The following USH2A variants were observed in gnomAD, a reference collection of about 807,000 sequenced individuals.
The protein encoded by USH2A is Usher syndrome 2A (autosomal recessive, mild).
USH2A carries 443 observed loss-of-function variants against 538.9 expected under a neutral mutation model. That is an observed-to-expected ratio of 0.82 (90% CI 0.76 to 0.89). USH2A has a LOEUF of 0.89. USH2A is among the 40% of genes least tolerant of loss of function. The probability of loss-of-function intolerance (pLI) is 0.00; values close to 1 mark genes in which losing one functional copy is unlikely to be tolerated. For synonymous variants in USH2A, 2,413 were observed against 2,273.5 expected, an observed-to-expected ratio of 1.06 and a Z score of -1.75; for missense variants, 6,633 against 6,324.8, an observed-to-expected ratio of 1.05 and a Z score of -1.65.
intron 11 of USH2A, among the ~76,000 whole-genome samples, chr1:216,287,483 C>T (rs1005299169): frequency 8.5e-5 from 13 of 152,054 alleles, no homozygotes; most frequent in Admixed American, 4.6e-4. Context: ...CTTCTGAAAT[C>T]CATGTTCAGT....
At chr1:215,638,962 A>G (rs1270340100) in intron 69 of USH2A, among the ~76,000 whole-genome samples, 193 bp downstream of exon 69, 2 of 151,518 alleles carry the variant, frequency 1.3e-5, no homozygotes, top group Non-Finnish European at 2.9e-5. Flanking sequence ...TGAGTGACAG[A>G]GCAAGACTCC....
chr1:216,419,951 T>G (rs1015101391), intron 2 of USH2A, among the ~76,000 whole-genome samples: 1 of 152,132 alleles, frequency 6.6e-6, no homozygotes, highest in Admixed American at 6.6e-5. Flanking sequence ...ATATTTTGTA[T>G]GTATATTTGG....
chr1:216,250,897 A>C lies in USH2A; in HGVS notation c.2167+6T>G. ...ATGTGACTGTAAACTTTTGCGTTAC[A>C]CGTACCAATAACGTTTGCTTTGCAC... is the stretch of plus-strand genomic sequence containing the variant. On this transcript the variant is annotated splice_donor_region_variant and intron_variant, in intron 12 of 71. Coordinates refer to ENST00000307340, the MANE Select transcript of USH2A (RefSeq NM_206933.4). The C allele has an allele frequency of 2.5e-6, 4 of 1,613,838 alleles. No individual in the cohort carries two copies. The highest frequency in any genetic ancestry group is 3.4e-6 in the Non-Finnish European group (4 of 1,179,894).
chr1:216,348,263 G>T (rs1325428361), intron 4 of USH2A, among the ~76,000 whole-genome samples: 1 of 152,088 alleles, frequency 6.6e-6, no homozygotes, highest in Non-Finnish European at 1.5e-5. Flanking sequence ...GGAAAAATTT[G>T]TTATTTTACC....
chr1:216,159,789 G>T (rs1572009920), intron 21 of USH2A, among the ~76,000 whole-genome samples: 1 of 151,718 alleles, frequency 6.6e-6, no homozygotes, highest in East Asian at 1.9e-4. Flanking sequence ...ACCTTCCCTG[G>T]GGTTTTCTTT....
chr1:216,168,695 A>T (rs572400440), intron 21 of USH2A, among the ~76,000 whole-genome samples: 1 of 152,248 alleles, frequency 6.6e-6, no homozygotes, highest in Non-Finnish European at 1.5e-5. Flanking sequence ...GAACCTCCCC[A>T]AATTGCTCCT....
chr1:216,300,289 C>T (rs953486029), intron 9 of USH2A, among the ~76,000 whole-genome samples: 4 of 152,140 alleles, frequency 2.6e-5, no homozygotes, highest in Non-Finnish European at 5.9e-5. Flanking sequence ...TTCATGTTTT[C>T]CCAATCTCCA....
rs1393969494 is a variant in USH2A, at chr1:216,050,586, TTCTTTCTTTCTTTCTTTC to T, written c.6050-1957_6050-1940del. Among the ~76,000 whole-genome samples the T allele has an allele frequency of 5.9e-3, 438 of 74,390 alleles. 13 individuals are homozygous for T. Among genetic ancestry groups the T allele is most frequent in the African/African-American group, 0.026 (422 of 16,216 alleles). The allele number at this position is 74,390 out of a possible 152,430, so 48.8% of individuals were successfully genotyped here. The stretch of plus-strand genomic sequence containing the variant: ...TTTCTTTCTTTCTTTCTTTCTTTCT[TTCTTTCTTTCTTTCTTTC>T]TTTTTTTTTTTTTTTTTTGAGACAG... On this transcript the variant is annotated intron_variant, in intron 30 of 71. Coordinates refer to ENST00000307340, the MANE Select transcript of USH2A (RefSeq NM_206933.4).
At chr1:216,239,175 G>A (rs2035886340) in intron 13 of USH2A, among the ~76,000 whole-genome samples, 1 of 151,720 alleles carries the variant, frequency 6.6e-6, no homozygotes, top group Non-Finnish European at 1.5e-5. Flanking sequence ...ATAAAAAAAT[G>A]TCCACCCCAA....
intron 47 of USH2A, among the ~76,000 whole-genome samples, chr1:215,824,696 G>T (rs1340643118): frequency 1.3e-5 from 2 of 152,120 alleles, no homozygotes; most frequent in Non-Finnish European, 2.9e-5. Flanking sequence ...AGAGCCCTTC[G>T]GGCACTCCTG....
At chr1:215,942,818 T>C (rs1213533485) in intron 37 of USH2A, among the ~76,000 whole-genome samples, 1 of 151,802 alleles carries the variant, frequency 6.6e-6, no homozygotes, top group African/African-American at 2.4e-5. Context: ...ATGAACTGAG[T>C]AGAGTCTGCA....
chr1:215,736,472 ATAAACTAGT>A (rs559831419), intron 60 of USH2A, among the ~76,000 whole-genome samples: 85 of 152,272 alleles, frequency 5.6e-4, no homozygotes, highest in African/African-American at 2.0e-3. Flanking sequence ...AATAATGTTG[ATAAACTAGT>A]TAGCATTTTT....
Position 215,634,626 on chromosome 1 carries a change from T to C in USH2A, c.15130A>G (p.Ile5044Val), listed in dbSNP as rs761307028. 6.2e-7 allele frequency: 1 copy of C among 1,614,230 alleles called. No individual in the cohort carries two copies. The highest frequency in any genetic ancestry group is 1.1e-5 in the South Asian group (1 of 91,088). ...STEFYSELWF[I>V]VLMAMLGLIL... ...AAGCCCAGCATCGCCATTAACACTATGAACCACAGCTCGCTGTAGAACTCT... is the reference window on the plus strand; with the variant it reads ...AAGCCCAGCATCGCCATTAACACTACGAACCACAGCTCGCTGTAGAACTCT... The change falls in exon 70 of 72, where the codon ATA (isoleucine) becomes GTA (valine). Residue 5044 changes from isoleucine (I) to valine (V), a missense_variant. Transcript: ENST00000307340.
rs1340270759 is a variant in USH2A at position 215,671,222 on chromosome 1, G to A, written c.13883C>T (p.Pro4628Leu). 1.9e-6 allele frequency: 3 copies of A among 1,614,164 alleles called. No individual in the cohort carries two copies. The highest frequency in any genetic ancestry group is 2.5e-6 in the Non-Finnish European group (3 of 1,180,016). The change falls in exon 64 of 72, where the codon CCT (proline) becomes CTT (leucine). Residue 4628 changes from proline (P) to leucine (L), a missense_variant. By Grantham distance (98) the Pro-to-Leu change is moderately conservative. Transcript: ENST00000307340. ...ASSDWTFIQT[P>L]EIAPLMQPPP... Reference sequence around the variant, plus strand: ...GGGTTGCATCAAAGGTGCAATCTCAGGGGTCTGTATGAATGTCCAGTCACT... The same window carrying A: ...GGGTTGCATCAAAGGTGCAATCTCAAGGGTCTGTATGAATGTCCAGTCACT...
intron 3 of USH2A, among the ~76,000 whole-genome samples, chr1:216,393,689 C>G (rs905524815): frequency 2.6e-5 from 4 of 152,136 alleles, no homozygotes; most frequent in Non-Finnish European, 5.9e-5. Flanking sequence ...CAGTCACGTT[C>G]AGCCTATCTC....
chr1:216,121,780 G>A (rs1301851024), intron 21 of USH2A, among the ~76,000 whole-genome samples: 1 of 152,118 alleles, frequency 6.6e-6, no homozygotes. Context: ...ACTATTTGAG[G>A]AATAAGAAAC....
At chr1:215,911,442 T>C (rs1336803427) in intron 38 of USH2A, among the ~76,000 whole-genome samples, 2 of 151,236 alleles carry the variant, frequency 1.3e-5, no homozygotes, top group Non-Finnish European at 2.9e-5. Flanking sequence ...CACAGATAAA[T>C]GAGAACATGC....
At chr1:216,170,537 C>T (rs1045136738) in intron 21 of USH2A, among the ~76,000 whole-genome samples, 1 of 152,036 alleles carries the variant, frequency 6.6e-6, no homozygotes, top group African/African-American at 2.4e-5. Flanking sequence ...AAAGGCAGTT[C>T]CTGATTTCTG....
Position 216,217,414 on chromosome 1 carries a change from C to T in USH2A, c.3130G>A (p.Val1044Ile). 1 of 1,613,156 alleles carries T rather than the reference C, an allele frequency of 6.2e-7. No individual in the cohort carries two copies. The highest frequency in any genetic ancestry group is 8.5e-7 in the Non-Finnish European group (1 of 1,179,374). The change falls in exon 15 of 72, where the codon GTC becomes ATC. Residue 1044 changes from valine to isoleucine, a missense_variant. Val to Ile is a conservative substitution (Grantham distance 29). Transcript: ENST00000307340. Reference sequence around the variant, plus strand: ...TTGCTGCAACCCAATAGATTGTTGACATCCAAGTGGCTTGCACTGGGAACA... The same window carrying T: ...TTGCTGCAACCCAATAGATTGTTGATATCCAAGTGGCTTGCACTGGGAACA... The part of the protein sequence containing the change: ...ACVPSASHLD[V>I]NNLLGCSKTP...
Sources: allele counts gnomAD v4.1 joint callset (sites outside exome capture counted in the v4.1 genomes callset), GRCh38; gene constraint gnomAD v4.1.1; transcripts MANE v1.5; gene names NCBI Gene and HGNC (gene_info 2026-07-23, HGNC 2026-07-21).